The following DCLK2 variants were observed in gnomAD, a reference collection of about 807,000 sequenced individuals.
The protein encoded by DCLK2 is doublecortin like kinase 2.
A neutral mutation model predicts 78.4 loss-of-function variants in DCLK2; 31 were observed. That is an observed-to-expected ratio of 0.40 (90% confidence interval 0.30 to 0.53). The LOEUF (loss-of-function observed/expected upper bound fraction) is 0.53. Ranked by LOEUF, DCLK2 falls within the 20% of genes least tolerant of loss-of-function variation. DCLK2 has a pLI of 0.61. For synonymous variants in DCLK2, 407 were observed against 374.9 expected (o/e 1.09, Z -0.99); for missense variants, 872 against 973.7 (o/e 0.90, Z 1.39).
chr4:150,185,255 G>GA (rs1422001858), intron 2 of DCLK2, among the ~76,000 whole-genome samples: 1 of 152,120 alleles, frequency 6.6e-6, no homozygotes, highest in East Asian at 1.9e-4. Context: ...ATCAGATCTT[G>GA]AGAGAACTCA....
chr4:150,147,145 G>A (rs1421858851), intron 2 of DCLK2, among the ~76,000 whole-genome samples: 1 of 151,836 alleles, frequency 6.6e-6, no homozygotes, highest in Non-Finnish European at 1.5e-5. Flanking sequence ...AAATAAAAAA[G>A]ATAAGTTAGC....
chr4:150,098,222 G>C lies in DCLK2; in HGVS notation c.422-4256G>C, dbSNP rs139663128. Among the ~76,000 whole-genome samples, 260 of 152,160 alleles carry C rather than the reference G, an allele frequency of 1.7e-3. 2 individuals are homozygous for C. The highest frequency in any genetic ancestry group is 5.6e-3 in the African/African-American group (233 of 41,532). On this transcript the variant is annotated intron_variant, in intron 1 of 15. Transcript: ENST00000296550. ...CAGACTAGATTGAGGAAAAAACTAC[G>C]GTGGTAAAGAAATGGCAGTCACTCA...
intron 5 of DCLK2, among the ~76,000 whole-genome samples, chr4:150,210,947 T>G (rs1224832204): frequency 1.5e-5 from 1 of 67,844 alleles, no homozygotes; most frequent in African/African-American, 5.8e-5. Context: ...AGACTCTGTC[T>G]CAAAAAAAAA....
chr4:150,078,791 G>A lies in DCLK2; in HGVS notation c.-237G>A. On this transcript the variant is annotated 5_prime_UTR_variant, in exon 1 of 16. Coordinates refer to ENST00000296550, the MANE Select transcript of DCLK2 (RefSeq NM_001040260.4). ...CTCCCCGGCAGGCGGGAGGCACGGA[G>A]CAAGTCGCACTGGACAATGACCTGG... The A allele has an allele frequency of 2.5e-6, 1 of 399,252 alleles. No homozygotes were observed. Among genetic ancestry groups the A allele is most frequent in the Non-Finnish European group, 4.3e-6 (1 of 232,296 alleles). 24.7% of individuals were successfully genotyped at this position (399,252 alleles called of 1,614,324 possible). A position where few individuals can be genotyped will look rare whatever the true frequency, so the allele number is the denominator to read the frequency against.
chr4:150,150,749 T>C (rs976735767), intron 2 of DCLK2, among the ~76,000 whole-genome samples: 1 of 152,218 alleles, frequency 6.6e-6, no homozygotes, highest in African/African-American at 2.4e-5. Context: ...AGTGAAATTA[T>C]AGCTCAGGGA....
At chr4:150,214,968 AAAAAG>A (rs1225605757) in intron 5 of DCLK2, among the ~76,000 whole-genome samples, 2,741 of 151,352 alleles carry the variant, frequency 0.018, 78 homozygotes, top group African/African-American at 0.063. Context: ...AAAAAAAAAA[AAAAAG>A]AAAGAAAATG....
At chr4:150,172,084 C>T (rs1419317461) in intron 2 of DCLK2, among the ~76,000 whole-genome samples, 1 of 152,172 alleles carries the variant, frequency 6.6e-6, no homozygotes, top group Non-Finnish European at 1.5e-5. Flanking sequence ...CAGTGCCTAG[C>T]TTTGAGCTTT....
intron 1 of DCLK2, among the ~76,000 whole-genome samples, chr4:150,099,204 A>G (rs911530192): frequency 6.6e-6 from 1 of 152,180 alleles, no homozygotes; most frequent in African/African-American, 2.4e-5. Flanking sequence ...GCAGGTGCAT[A>G]GTATCTAACC....
At chr4:150,201,730 A>C (rs1261680873) in intron 4 of DCLK2, among the ~76,000 whole-genome samples, 3 of 152,136 alleles carry the variant, frequency 2.0e-5, no homozygotes, top group African/African-American at 7.2e-5. Context: ...TTGGAATACC[A>C]GTGAACTCTA....
chr4:150,221,146 G>C (rs1266322292), intron 6 of DCLK2, among the ~76,000 whole-genome samples: 1 of 152,176 alleles, frequency 6.6e-6, no homozygotes, highest in East Asian at 1.9e-4. Flanking sequence ...GAAGTGGGCA[G>C]ATCTTAACCC....
chr4:150,100,160 G>C (rs769066294), intron 1 of DCLK2, among the ~76,000 whole-genome samples: 17 of 152,264 alleles, frequency 1.1e-4, no homozygotes, highest in Non-Finnish European at 1.5e-4. Flanking sequence ...CATTCCTCTT[G>C]CCTTGGCCTT....
chr4:150,172,714 C>G (rs972032748), intron 2 of DCLK2, among the ~76,000 whole-genome samples: 9 of 139,012 alleles, frequency 6.5e-5, no homozygotes, highest in African/African-American at 2.1e-4. Context: ...CTCAAGGCTA[C>G]TAAACATGCA....
In DCLK2 at chr4:150,086,319, CAT is replaced by C. The variant is rs760288050; in HGVS notation, c.421+6873_421+6874del. ...CAGTTAGCCAGATTTACAGAGGTAA[CAT>C]AAGTTCATGTTAAAGGCAAATATTC... On this transcript the variant is annotated intron_variant, in intron 1 of 15. Coordinates refer to ENST00000296550, the MANE Select transcript of DCLK2 (RefSeq NM_001040260.4). 5.3e-5 allele frequency among the ~76,000 whole-genome samples: 8 copies of C among 152,204 alleles called. No individual in the cohort carries two copies. In the South Asian group the frequency reaches 1.0e-3, roughly 20 times the overall value.
chr4:150,186,894 ATG>A (rs10683241), intron 2 of DCLK2, among the ~76,000 whole-genome samples: 1,821 of 147,448 alleles, frequency 0.012, 22 homozygotes, highest in Middle Eastern at 0.028. Context: ...CTATCTCAAA[ATG>A]TGTGTGTGTG....
chr4:150,216,014 G>C (rs1207673089), intron 5 of DCLK2, among the ~76,000 whole-genome samples: 3 of 152,212 alleles, frequency 2.0e-5, no homozygotes, highest in African/African-American at 7.2e-5. Context: ...TATAGCACAA[G>C]GGTAGCTAGC....
At chr4:150,081,977 G>A (rs1445812514) in intron 1 of DCLK2, among the ~76,000 whole-genome samples, 3 of 141,406 alleles carry the variant, frequency 2.1e-5, no homozygotes, top group Non-Finnish European at 4.5e-5. Context: ...CAGCCTGGGC[G>A]ATGGAGCAAG....
intron 2 of DCLK2, among the ~76,000 whole-genome samples, chr4:150,133,283 A>G (rs1297062587): frequency 6.6e-6 from 1 of 150,864 alleles, no homozygotes; most frequent in Non-Finnish European, 1.5e-5. Flanking sequence ...CCTTAACCTC[A>G]CCTTGATGTG....
intron 14 of DCLK2, 96 bp from the exon 15 acceptor site, chr4:150,249,472 A>C (rs1219587193): frequency 1.1e-6 from 1 of 923,390 alleles, no homozygotes; most frequent in African/African-American, 1.6e-5. Flanking sequence ...AGAGGTCAGG[A>C]GGGTGGTTGA....
chr4:150,223,273 A>G (rs1741334873), intron 7 of DCLK2, among the ~76,000 whole-genome samples: 1 of 152,222 alleles, frequency 6.6e-6, no homozygotes, highest in South Asian at 2.1e-4. Flanking sequence ...ATTTAAGGAC[A>G]AGTGATTCTT....
Sources: gnomAD v4.1 joint callset for allele counts (sites outside exome capture counted in the v4.1 genomes callset) on GRCh38, gnomAD v4.1.1 for gene constraint, MANE v1.5 for transcripts, NCBI Gene and HGNC (gene_info 2026-07-23, HGNC 2026-07-21) for gene names.